SMARCE1: variants seen among roughly 807,000 people sequenced by gnomAD.
The protein encoded by SMARCE1 is SWI/SNF-related matrix-associated actin-dependent regulator of chromatin subfamily E member 1.
Under a neutral mutation model 54.9 loss-of-function variants are expected in SMARCE1, and 13 were observed. The observed-to-expected ratio is 0.24, with a 90% CI of 0.15 to 0.38. The LOEUF is 0.38. Ranked by LOEUF, SMARCE1 falls within the 10% of genes least tolerant of loss-of-function variation. The probability of loss-of-function intolerance (pLI) is 1.00; values close to 1 mark genes in which losing one functional copy is unlikely to be tolerated. For synonymous variants in SMARCE1, 151 were observed against 175.3 expected (o/e 0.86, Z 1.10); for missense variants, 295 against 523.8 (o/e 0.56, Z 4.26).
rs903028544 is a variant in SMARCE1, at chr17:40,642,069, A to G, written c.156+386T>C. 10 of 282,366 alleles carry G rather than the reference A, an allele frequency of 3.5e-5. No individual in the cohort carries two copies. Among genetic ancestry groups the G allele is most frequent in the African/African-American group, 1.3e-4 (6 of 44,636 alleles). The allele number at this position is 282,366 out of a possible 1,614,324, so 17.5% of individuals were successfully genotyped here. A position where few individuals can be genotyped will look rare whatever the true frequency, so the allele number is the denominator to read the frequency against. ...CCAGCCCTGAAAAAGCCAGGTCTGA[A>G]AGACCAGCCTCTACTAGAAACTCAA... is the stretch of plus-strand genomic sequence containing the variant. On this transcript the variant is annotated intron_variant, in intron 4 of 10. Transcript: ENST00000348513. The surrounding 1 kb of genome is among the most constrained non-coding windows in gnomAD (Gnocchi z 4.6).
At chr17:40,644,816 G>A (rs2037237674) in intron 3 of SMARCE1, 1 of 152,042 alleles carries the variant, frequency 6.6e-6, no homozygotes, top group South Asian at 2.1e-4. Flanking sequence ...TAATTTTGTA[G>A]AATTTGGTCA....
rs984807214 is a variant in SMARCE1 at position 40,635,317 on chromosome 17, C to A, written c.541+614G>T. ...GCAGGTGGCTATCTCTGGGTCTCCT[C>A]GCAGCTTCAGACCCTGCCTGGCTGC... On this transcript the variant is annotated intron_variant, in intron 7 of 10. Transcript: ENST00000348513. The A allele has an allele frequency of 2.6e-5, 4 of 151,600 alleles. No individual in the cohort carries two copies. In the South Asian group the frequency reaches 8.4e-4, roughly 32 times the overall value. The allele number at this position is 151,600 out of a possible 1,614,324, so 9.4% of individuals were successfully genotyped here. A position where few individuals can be genotyped will look rare whatever the true frequency, so the allele number is the denominator to read the frequency against.
Position 40,642,291 on chromosome 17 carries a change from T to A in SMARCE1, c.156+164A>T, listed in dbSNP as rs2037206855. 1.5e-6 allele frequency: 1 copy of A among 679,470 alleles called. No homozygotes were observed. Among genetic ancestry groups the A allele is most frequent in the Non-Finnish European group, 2.7e-6 (1 of 377,204 alleles). 42.1% of individuals were successfully genotyped at this position (679,470 alleles called of 1,614,324 possible). A position where few individuals can be genotyped will look rare whatever the true frequency, so the allele number is the denominator to read the frequency against. On this transcript the variant is annotated intron_variant, in intron 4 of 10. Coordinates refer to ENST00000348513, the MANE Select transcript of SMARCE1 (RefSeq NM_003079.5). This position sits in a 1 kb window ranked among gnomAD's most constrained non-coding sequence, Gnocchi z 4.6. ...TACATTCCAGATCTCACTATTTATTTTTTCAGTGTGAGATGCTACAACGAA... is the reference window on the plus strand; with the variant it reads ...TACATTCCAGATCTCACTATTTATTATTTCAGTGTGAGATGCTACAACGAA...
intron 4 of SMARCE1, 64 bp from the exon 5 acceptor site, chr17:40,637,636 G>A (rs998805445): frequency 7.6e-7 from 1 of 1,318,052 alleles, no homozygotes; most frequent in Non-Finnish European, 1.1e-6. Flanking sequence ...ACTGAAAAGA[G>A]AGTCCCTTAA....
intron 7 of SMARCE1, chr17:40,633,891 G>C (rs2037120588): frequency 6.6e-6 from 1 of 152,118 alleles, no homozygotes. Flanking sequence ...ATCTGTTTTT[G>C]TTGTTAGCTT....
In SMARCE1 at chr17:40,626,724, T is replaced by A. The variant is rs1287778795; in HGVS notation, c.*2061A>T. ...CCATCTCTACTAAAAAATACAAAAA[T>A]TAACCGGGCATGGTGGCGAGAGCCT... On this transcript the variant is annotated 3_prime_UTR_variant, in exon 11 of 11. Coordinates refer to ENST00000348513, the MANE Select transcript of SMARCE1 (RefSeq NM_003079.5). 2 of 151,970 alleles carry A rather than the reference T, an allele frequency of 1.3e-5. No individual in the cohort carries two copies. The highest frequency in any genetic ancestry group is 2.9e-5 in the Non-Finnish European group (2 of 68,036). 9.4% of individuals were successfully genotyped at this position (151,970 alleles called of 1,614,324 possible). A position where few individuals can be genotyped will look rare whatever the true frequency, so the allele number is the denominator to read the frequency against.
At chr17:40,640,855 C>T (rs149224900) in intron 4 of SMARCE1, 3 of 152,282 alleles carry the variant, frequency 2.0e-5, no homozygotes, top group East Asian at 1.9e-4. Flanking sequence ...TCTTAACATT[C>T]GCCAAGAAGG....
In SMARCE1 at chr17:40,628,999, AT is replaced by A. The variant is rs750699769; in HGVS notation, c.1028-7del. 14 of 1,611,064 alleles carry A rather than the reference AT, an allele frequency of 8.7e-6. No individual in the cohort carries two copies. The highest frequency in any genetic ancestry group is 3.3e-5 in the Admixed American group (2 of 59,970). ...TTCTTCAAGGTGTGTCTCCTCTGTA[AT>A]CACACATTTGTCACTGTCAGTTCCA... is the stretch of plus-strand genomic sequence containing the variant. On this transcript the variant is annotated splice_polypyrimidine_tract_variant and splice_region_variant and intron_variant, in intron 10 of 10. Transcript: ENST00000348513.
At chr17:40,636,133 T>C (rs1298916150) in intron 6 of SMARCE1, 31 bp from the exon 7 acceptor site, 2 of 1,561,502 alleles carry the variant, frequency 1.3e-6, no homozygotes, top group Non-Finnish European at 1.7e-6. Context: ...GGTTTTATAA[T>C]TAACATTTTG....
In SMARCE1 at chr17:40,642,599, G is replaced by T; in HGVS notation, c.52-40C>A. 1 of 1,210,758 alleles carries T rather than the reference G, an allele frequency of 8.3e-7. No homozygotes were observed. Among genetic ancestry groups the T allele is most frequent in the South Asian group, 1.2e-5 (1 of 80,120 alleles). The allele number at this position is 1,210,758 out of a possible 1,614,324, so 75.0% of individuals were successfully genotyped here. A position where few individuals can be genotyped will look rare whatever the true frequency, so the allele number is the denominator to read the frequency against. On this transcript the variant is annotated intron_variant, in intron 3 of 10. Transcript: ENST00000348513. This position sits in a 1 kb window ranked among gnomAD's most constrained non-coding sequence, Gnocchi z 4.6. ...TGAGACAAAAACACGAATGAGAAAT[G>T]AGCTCAAACGAGGAAAACACAGAAA...
chr17:40,635,062 T>C (rs1422489994), intron 7 of SMARCE1: 3 of 152,034 alleles, frequency 2.0e-5, no homozygotes. Flanking sequence ...ATCAACTTAT[T>C]CTTGTCTTCA....
chr17:40,636,782 A>AT, intron 5 of SMARCE1: 2 of 321,436 alleles, frequency 6.2e-6, no homozygotes, highest in Non-Finnish European at 5.8e-6. Flanking sequence ...ATAAGCAAGA[A>AT]TATCTCCAAT....
intron 7 of SMARCE1, 119 bp from the exon 8 acceptor site, chr17:40,632,486 G>C: frequency 1.3e-6 from 1 of 794,598 alleles, no homozygotes. Flanking sequence ...AAGTGGACCT[G>C]CCCAGCGTCA....
chr17:40,645,739 G>T, intron 2 of SMARCE1, 57 bp downstream of exon 2: 2 of 1,078,710 alleles, frequency 1.9e-6, no homozygotes, highest in Non-Finnish European at 2.6e-6. Context: ...ATTCCCACTT[G>T]CTAGGGCATT....
chr17:40,637,659 C>T (rs762372852), intron 4 of SMARCE1, 87 bp from the exon 5 acceptor site: 32 of 936,084 alleles, frequency 3.4e-5, no homozygotes, highest in Non-Finnish European at 5.0e-5. Context: ...AATTCTAATG[C>T]GCCTTTCTTC....
chr17:40,629,580 T>C, intron 10 of SMARCE1: 1 of 1,131,800 alleles, frequency 8.8e-7, no homozygotes, highest in Admixed American at 4.2e-5. Context: ...TGTAAGAAAT[T>C]AAAAGCATGA....
rs2037034040 is a variant in SMARCE1, at chr17:40,626,309, T to C, written c.*2476A>G. 1 of 152,226 alleles carries C rather than the reference T, an allele frequency of 6.6e-6. No homozygotes were observed. Among genetic ancestry groups the C allele is most frequent in the African/African-American group, 2.4e-5 (1 of 41,456 alleles). The allele number at this position is 152,226 out of a possible 1,614,324, so 9.4% of individuals were successfully genotyped here. On this transcript the variant is annotated 3_prime_UTR_variant, in exon 11 of 11. Coordinates refer to ENST00000348513, the MANE Select transcript of SMARCE1 (RefSeq NM_003079.5). ...TAACAAAATTTAGGCCCTCAGACTT[T>C]ATGCATTCATACTCAAAATAAATGC... is the stretch of plus-strand genomic sequence containing the variant.
At position 40,631,547 on chromosome 17, in the gene SMARCE1, A is replaced by G. The variant is rs763265129; in HGVS notation, c.816+45T>C. 6.4e-6 allele frequency: 6 copies of G among 943,398 alleles called. No individual in the cohort carries two copies. In the Admixed American group the frequency reaches 1.0e-4, roughly 16 times the overall value. The allele number at this position is 943,398 out of a possible 1,614,324, so 58.4% of individuals were successfully genotyped here. Reference sequence around the variant, plus strand: ...AAAAAAGAATGAGGAAAAATAAAGTAACAGGTATAGTGATAAAAGTATAGT... The same window carrying G: ...AAAAAAGAATGAGGAAAAATAAAGTGACAGGTATAGTGATAAAAGTATAGT... On this transcript the variant is annotated intron_variant, in intron 9 of 10. Transcript: ENST00000348513.
At chr17:40,632,103 AAC>A (rs1165736621) in intron 8 of SMARCE1, 90 bp downstream of exon 8, 1 of 983,636 alleles carries the variant, frequency 1.0e-6, no homozygotes, top group African/African-American at 1.6e-5. Context: ...TGACATATTT[AAC>A]AGGTAGATTT....
Sources: gnomAD v4.1 joint callset for allele counts on GRCh38, gnomAD v4.1.1 for gene constraint, Gnocchi (gnomAD v3.1) non-coding constraint, MANE v1.5 for transcripts, NCBI Gene and HGNC (gene_info 2026-07-23, HGNC 2026-07-21) for gene names.